The following PLPP1 variants were observed in gnomAD, a reference collection of about 807,000 sequenced individuals.
PLPP1 encodes lipid phosphate phosphohydrolase 1a.
Under a neutral mutation model 31.2 loss-of-function variants are expected in PLPP1, and 24 were observed. The observed-to-expected ratio is 0.77, with a 90% confidence interval of 0.56 to 1.08. PLPP1 has a LOEUF of 1.08. PLPP1 is among the 50% of genes least tolerant of loss of function. The probability of loss-of-function intolerance (pLI) is 0.00; values close to 1 mark genes in which losing one functional copy is unlikely to be tolerated. For synonymous variants in PLPP1, 146 were observed against 126.3 expected (o/e 1.16, Z -1.05); for missense variants, 319 against 342.7 (o/e 0.93, Z 0.55).
intron 1 of PLPP1, among the ~76,000 whole-genome samples, chr5:55,489,726 G>A (rs1036544300): frequency 6.6e-5 from 10 of 152,118 alleles, no homozygotes; most frequent in African/African-American, 2.4e-4. Context: ...CCAATTTGGA[G>A]GCAAAATAGA....
chr5:55,459,029 T>C (rs886756499), intron 3 of PLPP1, among the ~76,000 whole-genome samples: 1 of 151,452 alleles, frequency 6.6e-6, no homozygotes, highest in African/African-American at 2.4e-5. Context: ...GATATGACTA[T>C]ATATTGTCTC....
At chr5:55,456,491 GC>G in intron 3 of PLPP1, among the ~76,000 whole-genome samples, 1 of 152,290 alleles carries the variant, frequency 6.6e-6, no homozygotes, top group East Asian at 1.9e-4. Flanking sequence ...ATAATTAAAA[GC>G]TTATATGGTG....
Position 55,425,073 on chromosome 5 carries a change from C to T in PLPP1, c.*133G>A. 8.5e-7 allele frequency: 1 copy of T among 1,179,274 alleles called. No homozygotes were observed. The highest frequency in any genetic ancestry group is 1.5e-5 in the South Asian group (1 of 64,574). The allele number at this position is 1,179,274 out of a possible 1,614,324, so 73.1% of individuals were successfully genotyped here. On this transcript the variant is annotated 3_prime_UTR_variant, in exon 6 of 6. Coordinates refer to ENST00000307259, the MANE Select transcript of PLPP1 (RefSeq NM_003711.4). The stretch of plus-strand genomic sequence containing the variant: ...GGTAACTATGTACACACAAAGTGTG[C>T]ATCCAAGAGGCATAGCAGCAGCAGA...
intron 1 of PLPP1, among the ~76,000 whole-genome samples, chr5:55,512,524 G>GA (rs529105374): frequency 0.091 from 845 of 9,298 alleles, 61 homozygotes; most frequent in African/African-American, 0.17. Flanking sequence ...AAGAAAGAAA[G>GA]AAAGAAAGAA....
At chr5:55,501,526 C>T (rs1457806074) in intron 1 of PLPP1, among the ~76,000 whole-genome samples, 1 of 152,016 alleles carries the variant, frequency 6.6e-6, no homozygotes, top group African/African-American at 2.4e-5. Context: ...TTTTTTGAGA[C>T]AGAGTTTCGC....
At chr5:55,453,090 T>A (rs1192511877) in intron 3 of PLPP1, among the ~76,000 whole-genome samples, 2 of 152,190 alleles carry the variant, frequency 1.3e-5, no homozygotes, top group African/African-American at 2.4e-5. Context: ...TATTTAATTA[T>A]CCAAGATAAT....
At chr5:55,533,065 A>T (rs752748571) in intron 1 of PLPP1, among the ~76,000 whole-genome samples, 4 of 152,042 alleles carry the variant, frequency 2.6e-5, no homozygotes, top group Admixed American at 6.5e-5. Context: ...AACAACAAAG[A>T]TGCTTCATAT....
chr5:55,502,944 A>C (rs1458426315), intron 1 of PLPP1, among the ~76,000 whole-genome samples: 2 of 152,188 alleles, frequency 1.3e-5, no homozygotes, highest in African/African-American at 2.4e-5. Context: ...TGACGCCTTC[A>C]TGTAAAGGGA....
chr5:55,530,835 G>A (rs991878827), intron 1 of PLPP1: 71 of 1,252,240 alleles, frequency 5.7e-5, no homozygotes, highest in African/African-American at 1.3e-4. Context: ...CCTGACAGAC[G>A]GGGCAGTAGG....
chr5:55,487,011 A>G (rs558909881), intron 1 of PLPP1, among the ~76,000 whole-genome samples: 2 of 152,190 alleles, frequency 1.3e-5, no homozygotes, highest in African/African-American at 4.8e-5. Context: ...AAAAAGTTTA[A>G]TAAGTTGGTC....
At chr5:55,461,066 C>T (rs959779993) in intron 3 of PLPP1, among the ~76,000 whole-genome samples, 1 of 151,944 alleles carries the variant, frequency 6.6e-6, no homozygotes, top group African/African-American at 2.4e-5. Flanking sequence ...CGTGGTGGCG[C>T]ACACCTGTAG....
At chr5:55,464,794 C>G (rs375354887) in intron 3 of PLPP1, among the ~76,000 whole-genome samples, 13 of 152,234 alleles carry the variant, frequency 8.5e-5, no homozygotes, top group African/African-American at 2.9e-4. Context: ...ACTTGACCCT[C>G]CGGTTGCAGA....
chr5:55,514,472 T>TA (rs1753511348), intron 1 of PLPP1, among the ~76,000 whole-genome samples: 2 of 152,088 alleles, frequency 1.3e-5, no homozygotes, highest in African/African-American at 4.8e-5. Flanking sequence ...CCCCCCACCA[T>TA]AAAAAAAATT....
chr5:55,432,579 A>C (rs1425997033), intron 4 of PLPP1, among the ~76,000 whole-genome samples: 2 of 152,154 alleles, frequency 1.3e-5, no homozygotes, highest in Non-Finnish European at 2.9e-5. Flanking sequence ...GCAACATAAG[A>C]AACCCATAAG....
intron 1 of PLPP1, among the ~76,000 whole-genome samples, chr5:55,529,063 T>G (rs1740567286): frequency 6.6e-6 from 1 of 151,952 alleles, no homozygotes; most frequent in Non-Finnish European, 1.5e-5. Context: ...GTGTGTAAAC[T>G]CAATTTCTAA....
chr5:55,463,491 T>C (rs1365048321), intron 3 of PLPP1, among the ~76,000 whole-genome samples: 1 of 151,888 alleles, frequency 6.6e-6, no homozygotes, highest in Non-Finnish European at 1.5e-5. Context: ...GTGAAACTCA[T>C]CTCTACTAAA....
chr5:55,457,716 C>T (rs1296523357), intron 3 of PLPP1, among the ~76,000 whole-genome samples: 1 of 152,014 alleles, frequency 6.6e-6, no homozygotes, highest in South Asian at 2.1e-4. Context: ...TGGTGAAACC[C>T]CATCTCTACT....
At chr5:55,461,657 G>A (rs904061464) in intron 3 of PLPP1, among the ~76,000 whole-genome samples, 5 of 151,322 alleles carry the variant, frequency 3.3e-5, no homozygotes, top group African/African-American at 4.8e-5. Context: ...CTTTCCTAAG[G>A]TCAGGAAGAA....
At chr5:55,491,915 A>AG (rs35746769) in intron 1 of PLPP1, among the ~76,000 whole-genome samples, 124,470 of 146,816 alleles carry the variant, frequency 0.85, 53,131 homozygotes, top group South Asian at 0.92. Context: ...AGAAAATGAT[A>AG]AAACCACAAG....
Sources: allele counts gnomAD v4.1 joint callset (sites outside exome capture counted in the v4.1 genomes callset), GRCh38; gene constraint gnomAD v4.1.1; transcripts MANE v1.5; gene names NCBI Gene and HGNC (gene_info 2026-07-23, HGNC 2026-07-21).